Variants in CPNE2 observed in about 807,000 individuals in gnomAD.
CPNE2 encodes the protein copine 2.
Under a neutral mutation model 69.7 loss-of-function variants are expected in CPNE2, and 42 were observed. The ratio of observed to expected loss-of-function variants is 0.60; its 90% CI spans 0.47 to 0.78. CPNE2 has a LOEUF of 0.78. Ranked by LOEUF, CPNE2 falls within the 30% of genes least tolerant of loss-of-function variation. The pLI is 0.00. For synonymous variants in CPNE2, 294 were observed against 289.8 expected, an observed-to-expected ratio of 1.01 and a Z score of -0.15; for missense variants, 587 against 732.0, an observed-to-expected ratio of 0.80 and a Z score of 2.29.
chr16:57,127,030 T>G (rs1443260988), intron 11 of CPNE2, among the ~76,000 whole-genome samples: 3 of 152,340 alleles, frequency 2.0e-5, no homozygotes, highest in African/African-American at 7.2e-5. Flanking sequence ...AGATGTCTGT[T>G]GAGTGCACAT....
intron 9 of CPNE2, among the ~76,000 whole-genome samples, chr16:57,123,041 T>C (rs2069774391): frequency 6.6e-6 from 1 of 152,168 alleles, no homozygotes; most frequent in Non-Finnish European, 1.5e-5. Context: ...GGCCTTGAGC[T>C]GGAGGCCTGC....
intron 1 of CPNE2, among the ~76,000 whole-genome samples, chr16:57,108,842 T>A (rs1028384065): frequency 6.6e-6 from 1 of 152,342 alleles, no homozygotes; most frequent in South Asian, 2.1e-4. Context: ...GGGCACAGAA[T>A]TTTGGGAAAT....
At chr16:57,119,485 TC>T in intron 6 of CPNE2, 75 bp from the exon 7 acceptor site, 1 of 1,292,940 alleles carries the variant, frequency 7.7e-7, no homozygotes, top group Non-Finnish European at 1.1e-6. Flanking sequence ...TGTCACCCTG[TC>T]CCCATTGGGC....
chr16:57,093,133 G>A (rs2145226574), intron 1 of CPNE2, among the ~76,000 whole-genome samples: 1 of 152,142 alleles, frequency 6.6e-6, no homozygotes, highest in South Asian at 2.1e-4. Context: ...GTGGAGACCC[G>A]CCGCTGCCGC....
intron 1 of CPNE2, among the ~76,000 whole-genome samples, chr16:57,104,966 G>C (rs541625195): frequency 6.6e-6 from 1 of 152,308 alleles, no homozygotes; most frequent in South Asian, 2.1e-4. Context: ...GTCAGGCAGG[G>C]TCCTGTCATC....
intron 14 of CPNE2, chr16:57,143,731 G>C (rs1397947049): frequency 6.6e-6 from 1 of 152,644 alleles, no homozygotes; most frequent in Non-Finnish European, 1.5e-5. Context: ...GCAGGAACCT[G>C]GCCCTGTCTG....
chr16:57,143,335 TA>T (rs1390923535), intron 14 of CPNE2: 3 of 152,454 alleles, frequency 2.0e-5, no homozygotes, highest in African/African-American at 7.2e-5. Flanking sequence ...GATTGGCACA[TA>T]GGGGTGCGGG....
chr16:57,139,920 T>TA (rs1376241544), intron 14 of CPNE2, among the ~76,000 whole-genome samples: 1 of 151,978 alleles, frequency 6.6e-6, no homozygotes, highest in African/African-American at 2.4e-5. Flanking sequence ...GGAGGTAGTA[T>TA]TAGGATTAAA....
intron 1 of CPNE2, among the ~76,000 whole-genome samples, chr16:57,094,398 A>G (rs1373617610): frequency 6.6e-6 from 1 of 152,086 alleles, no homozygotes; most frequent in Admixed American, 6.6e-5. Context: ...GTGGTGTTCC[A>G]ACGGACACTC....
chr16:57,123,804 T>G (rs2069780408), intron 10 of CPNE2: 1 of 398,510 alleles, frequency 2.5e-6, no homozygotes, highest in African/African-American at 2.0e-5. Flanking sequence ...ATCTGCAGCC[T>G]CCTTCCTCCT....
chr16:57,101,889 A>G (rs4784762), intron 1 of CPNE2, among the ~76,000 whole-genome samples: 10,470 of 151,952 alleles, frequency 0.069, 620 homozygotes, highest in African/African-American at 0.14. Context: ...GCCTACGGGC[A>G]CCACTCTAGG....
Position 57,110,930 on chromosome 16 carries a change from T to C in CPNE2, c.180+8T>C. 1 of 1,607,476 alleles carries C rather than the reference T, an allele frequency of 6.2e-7. No homozygotes were observed. Among genetic ancestry groups the C allele is most frequent in the South Asian group, 1.1e-5 (1 of 90,384 alleles). ...AATGGCAGATGGATCGAGGTGAGGC[T>C]CTTCCGTGTGTCTGCGGTGGGTAAG... On this transcript the variant is annotated splice_region_variant and intron_variant, in intron 2 of 15. Transcript: ENST00000290776.
rs752753372 is a variant in CPNE2, at chr16:57,119,561, G to A, written c.592G>A (p.Val198Met). Residue 198 changes from valine to methionine, a missense_variant and splice_region_variant, in exon 7 of 16, where the codon GTG (valine) becomes ATG (methionine). Physicochemically the swap from Val to Met is conservative, Grantham distance 21. Transcript: ENST00000290776. ...GKWMLVHRTEVIKYTLDPVWK... is the reference protein window; with the variant it reads ...GKWMLVHRTEMIKYTLDPVWK... ...CACAGCATCCCTCTCTGTCCCACAG[G>A]TGATCAAGTACACACTGGACCCTGT... 4 of 1,611,838 alleles carry A rather than the reference G, an allele frequency of 2.5e-6. No homozygotes were observed. The South Asian group carries it at 3.3e-5, about 13-fold the overall frequency.
At chr16:57,122,117 C>G (rs1245744784) in intron 9 of CPNE2, among the ~76,000 whole-genome samples, 1 of 152,246 alleles carries the variant, frequency 6.6e-6, no homozygotes, top group South Asian at 2.1e-4. Context: ...GGTGGGGACA[C>G]CCTGTCCTCT....
chr16:57,113,549 C>G, intron 3 of CPNE2, 82 bp downstream of exon 3: 1 of 1,413,756 alleles, frequency 7.1e-7, no homozygotes, highest in African/African-American at 1.4e-5. Context: ...GCTGTCTTTC[C>G]CTAGCCCCAT....
intron 1 of CPNE2, among the ~76,000 whole-genome samples, chr16:57,107,404 G>A (rs2069654695): frequency 6.6e-6 from 1 of 152,222 alleles, no homozygotes; most frequent in African/African-American, 2.4e-5. Context: ...GGGGAACACT[G>A]GATCTGGAGG....
intron 10 of CPNE2, chr16:57,124,672 C>T (rs2069787629): frequency 3.7e-6 from 1 of 269,678 alleles, no homozygotes; most frequent in Non-Finnish European, 7.5e-6. Flanking sequence ...AAGGGAGCCT[C>T]AGGCCCAGAA....
In CPNE2 at chr16:57,102,496, C is replaced by T. The variant is rs541171551; in HGVS notation, c.-35-8212C>T. Among the ~76,000 whole-genome samples, 3 of 152,312 alleles carry T rather than the reference C, an allele frequency of 2.0e-5. No individual in the cohort carries two copies. In the East Asian group the frequency reaches 5.8e-4, roughly 29 times the overall value. On this transcript the variant is annotated intron_variant, in intron 1 of 15. Coordinates refer to ENST00000290776, the MANE Select transcript of CPNE2 (RefSeq NM_152727.6). Reference sequence around the variant, plus strand: ...CAAGCCCATAATTCAATCCCTAGTCCCCCGTCACTACCATGGTCTCTCTGG... The same window carrying T: ...CAAGCCCATAATTCAATCCCTAGTCTCCCGTCACTACCATGGTCTCTCTGG...
rs1597494942 is a variant in CPNE2, at chr16:57,115,373, G to T, written c.361-103G>T. On this transcript the variant is annotated intron_variant, in intron 3 of 15. Coordinates refer to ENST00000290776, the MANE Select transcript of CPNE2 (RefSeq NM_152727.6). ...CGGGTCACCAGCCAGCCAGGGCGGG[G>T]TGCAGCCCTGCCAAGAGGATTTTTC... The T allele has an allele frequency of 4.4e-6, 4 of 911,536 alleles. No individual in the cohort carries two copies. In the East Asian group the frequency reaches 1.0e-4, roughly 23 times the overall value. 56.5% of individuals were successfully genotyped at this position (911,536 alleles called of 1,614,324 possible). A position where few individuals can be genotyped will look rare whatever the true frequency, so the allele number is the denominator to read the frequency against.
Sources: gnomAD v4.1 joint callset for allele counts (sites outside exome capture counted in the v4.1 genomes callset) on GRCh38, gnomAD v4.1.1 for gene constraint, MANE v1.5 for transcripts, NCBI Gene and HGNC (gene_info 2026-07-23, HGNC 2026-07-21) for gene names.